Variants in S100Z observed in about 807,000 individuals in gnomAD.
S100Z encodes the protein protein S100-Z.
In S100Z, 11 loss-of-function variants were observed where a neutral mutation model predicts 8.5. The ratio of observed to expected loss-of-function variants is 1.30; its 90% CI spans 0.82 to 2.15. The LOEUF (loss-of-function observed/expected upper bound fraction) is 2.15, where lower values mean the gene tolerates loss of function less well. S100Z is among the 30% of genes most tolerant of loss of function. The pLI is 0.00. For missense variants in S100Z, 126 were observed against 117.9 expected, an observed-to-expected ratio of 1.07 and a Z score of -0.32; for synonymous variants, 34 against 43.8, an observed-to-expected ratio of 0.78 and a Z score of 0.89.
At chr5:76,932,608 C>G in the S100Z span, among the ~76,000 whole-genome samples, 2 of 152,196 alleles carry the variant, frequency 1.3e-5, no homozygotes, top group Non-Finnish European at 2.9e-5. Flanking sequence ...CCCGCCTTGG[C>G]CTCCCAAAGT....
the S100Z span, among the ~76,000 whole-genome samples, chr5:76,933,112 A>C: frequency 6.6e-6 from 1 of 152,220 alleles, no homozygotes; most frequent in Non-Finnish European, 1.5e-5. Flanking sequence ...CAGTATTCCA[A>C]GTTTGGGATA....
intron 3 of S100Z, 142 bp downstream of exon 3, chr5:76,875,642 G>A: frequency 2.8e-6 from 2 of 713,236 alleles, no homozygotes; most frequent in Non-Finnish European, 4.4e-6. Flanking sequence ...TATAGGGGAA[G>A]CAAACACTGG....
chr5:76,892,407 A>G (rs540440838), intron 4 of S100Z, among the ~76,000 whole-genome samples: 1 of 152,284 alleles, frequency 6.6e-6, no homozygotes, highest in South Asian at 2.1e-4. Flanking sequence ...GCTTTCTCAA[A>G]AGGTCCTTTT....
intron 1 of S100Z, among the ~76,000 whole-genome samples, chr5:76,865,940 G>T (rs989858987): frequency 6.6e-6 from 1 of 151,128 alleles, no homozygotes; most frequent in Admixed American, 6.6e-5. Context: ...ACTTGAACCC[G>T]GGAAGCAGAG....
At chr5:76,924,215 C>A (rs1365944185), downstream of S100Z, among the ~76,000 whole-genome samples, 1 of 152,172 alleles carries the variant, frequency 6.6e-6, no homozygotes, top group East Asian at 1.9e-4. Flanking sequence ...CCCTAAAAAT[C>A]ATTTACTATA....
downstream of S100Z, among the ~76,000 whole-genome samples, chr5:76,924,960 A>G (rs6864739): frequency 0.13 from 20,455 of 152,018 alleles, 4,340 homozygotes; most frequent in African/African-American, 0.45. Context: ...TTTCAGAGTC[A>G]GAAAGCAGGA....
At chr5:76,917,110 A>G (rs1444321763) in intron 4 of S100Z, among the ~76,000 whole-genome samples, 2 of 117,810 alleles carry the variant, frequency 1.7e-5, no homozygotes, top group African/African-American at 6.9e-5. Flanking sequence ...TAGGTGACAG[A>G]GTGAGACTGT....
chr5:76,936,170 A>T, the S100Z span, among the ~76,000 whole-genome samples: 1 of 152,180 alleles, frequency 6.6e-6, no homozygotes, highest in Non-Finnish European at 1.5e-5. Flanking sequence ...GGGAATTGAT[A>T]AAATAAAATA....
rs553381306 is a variant in S100Z, at chr5:76,877,711, A to T, written c.179A>T (p.Gln60Leu). The T allele has an allele frequency of 6.2e-7, 1 of 1,612,588 alleles. No individual in the cohort carries two copies. The highest frequency in any genetic ancestry group is 2.2e-5 in the East Asian group (1 of 44,870). Residue 60 changes from glutamine to leucine, a missense_variant, in exon 4 of 5, where the codon CAG becomes CTG. Transcript: ENST00000317593. ...KETQLVDKIVQDLDANKDNEV... is the reference protein window; with the variant it reads ...KETQLVDKIVLDLDANKDNEV... ...ACCCAGTTGGTTGATAAGATAGTGCAGGACCTGGATGCCAATAAGGACAAC... is the reference window on the plus strand; with the variant it reads ...ACCCAGTTGGTTGATAAGATAGTGCTGGACCTGGATGCCAATAAGGACAAC...
At position 76,875,312 on chromosome 5, in the gene S100Z, C is replaced by T. The variant is rs1050031672; in HGVS notation, c.-48C>T. The T allele has an allele frequency of 1.9e-6, 3 of 1,563,208 alleles. No homozygotes were observed. The highest frequency in any genetic ancestry group is 2.7e-5 in the African/African-American group (2 of 73,342). On this transcript the variant is annotated 5_prime_UTR_variant, in exon 3 of 5. Coordinates refer to ENST00000317593, the MANE Select transcript of S100Z (RefSeq NM_130772.4). The stretch of plus-strand genomic sequence containing the variant: ...TGTTTATTCTGAACAAGTGTCTTCT[C>T]CCCGGGTTTGGTGGCCTGCTTCTGG...
intron 4 of S100Z, among the ~76,000 whole-genome samples, chr5:76,887,721 G>C (rs916740786): frequency 2.0e-5 from 3 of 152,256 alleles, no homozygotes; most frequent in Admixed American, 6.5e-5. Context: ...CAATCTGGCA[G>C]GTAGAAGTTG....
intron 1 of S100Z, among the ~76,000 whole-genome samples, chr5:76,860,093 T>G (rs556361510): frequency 1.3e-5 from 2 of 152,186 alleles, no homozygotes; most frequent in Non-Finnish European, 2.9e-5. Flanking sequence ...TGACTCTAGA[T>G]GCTGAGGCAG....
chr5:76,897,103 T>A (rs753160119), intron 4 of S100Z, among the ~76,000 whole-genome samples: 7 of 152,164 alleles, frequency 4.6e-5, no homozygotes, highest in Non-Finnish European at 8.8e-5. Flanking sequence ...CCTCCAGTTT[T>A]GTTCTTTTTG....
At chr5:76,909,104 G>GT (rs1744559250) in intron 4 of S100Z, among the ~76,000 whole-genome samples, 1 of 152,150 alleles carries the variant, frequency 6.6e-6, no homozygotes, top group Non-Finnish European at 1.5e-5. Context: ...TGGACAAGAG[G>GT]TGTTTTCGGC....
In S100Z at chr5:76,870,939, T is replaced by C. The variant is rs6891159; in HGVS notation, c.-57+655T>C. Among the ~76,000 whole-genome samples, 1,332 of 152,168 alleles carry C rather than the reference T, an allele frequency of 8.8e-3. 14 individuals carry two copies. Among genetic ancestry groups the C allele is most frequent in the African/African-American group, 0.031 (1,283 of 41,480 alleles). ...AAGTTTGGGACCAGCGTGGGCAACA[T>C]AGCAAGACTCCATTTCTACAAAGAA... On this transcript the variant is annotated intron_variant, in intron 2 of 4. Coordinates refer to ENST00000317593, the MANE Select transcript of S100Z (RefSeq NM_130772.4).
rs141468657 is a variant in S100Z at position 76,903,376 on chromosome 5, A to G, written c.*3-17341A>G. ...TTTCACTTAGCAGAATACATTTGAT[A>G]TTAATCTATGATTTTGTATATACCT... is the stretch of plus-strand genomic sequence containing the variant. On this transcript the variant is annotated intron_variant, in intron 4 of 4. Coordinates refer to ENST00000317593, the MANE Select transcript of S100Z (RefSeq NM_130772.4). Among the ~76,000 whole-genome samples the G allele has an allele frequency of 4.9e-3, 739 of 152,268 alleles. 2 individuals are homozygous for G. Among genetic ancestry groups the G allele is most frequent in the Non-Finnish European group, 8.0e-3 (541 of 68,018 alleles).
chr5:76,918,035 A>G (rs755082170), intron 4 of S100Z, among the ~76,000 whole-genome samples: 81 of 152,198 alleles, frequency 5.3e-4, no homozygotes, highest in Non-Finnish European at 9.7e-4. Flanking sequence ...AATTCCTACA[A>G]TTGGACTTGT....
At chr5:76,934,759 TG>T in the S100Z span, among the ~76,000 whole-genome samples, 2 of 152,234 alleles carry the variant, frequency 1.3e-5, no homozygotes, top group African/African-American at 4.8e-5. Context: ...GCTGGTGTCT[TG>T]ATCTTGGACT....
At chr5:76,858,207 C>T (rs754880831) in intron 1 of S100Z, among the ~76,000 whole-genome samples, 2 of 152,202 alleles carry the variant, frequency 1.3e-5, no homozygotes, top group Non-Finnish European at 2.9e-5. Flanking sequence ...ATGGCACCAA[C>T]TGGCTTAGGG....
Sources: gnomAD v4.1 joint callset for allele counts (sites outside exome capture counted in the v4.1 genomes callset) on GRCh38, gnomAD v4.1.1 for gene constraint, MANE v1.5 for transcripts, NCBI Gene and HGNC (gene_info 2026-07-23, HGNC 2026-07-21) for gene names.